The following SH3GL2 variants were observed in gnomAD, a reference collection of about 807,000 sequenced individuals.
SH3GL2 encodes the protein SH3 domain containing GRB2 like 2, endophilin A1, also known as endophilin-A1.
In SH3GL2, 24 loss-of-function variants were observed where a neutral mutation model predicts 46.0. The observed-to-expected ratio is 0.52, with a 90% confidence interval of 0.38 to 0.73. The LOEUF (loss-of-function observed/expected upper bound fraction) is 0.73, where lower values mean the gene tolerates loss of function less well. Among genes scored for constraint, SH3GL2 ranks in the 30% least tolerant of loss-of-function variants. SH3GL2 has a pLI of 0.00. For missense variants in SH3GL2, 413 were observed against 424.2 expected, an observed-to-expected ratio of 0.97 and a Z score of 0.23; for synonymous variants, 196 against 147.1, an observed-to-expected ratio of 1.33 and a Z score of -2.40.
At chr9:17,627,502 A>T (rs1819310769) in intron 1 of SH3GL2, among the ~76,000 whole-genome samples, 1 of 152,216 alleles carries the variant, frequency 6.6e-6, no homozygotes, top group East Asian at 1.9e-4. Context: ...AGCAGACCCT[A>T]TCTGTTATTT....
intron 3 of SH3GL2, among the ~76,000 whole-genome samples, chr9:17,772,384 AT>A (rs1272500253): frequency 6.6e-6 from 1 of 152,182 alleles, no homozygotes; most frequent in African/African-American, 2.4e-5. Flanking sequence ...TTAAGTATAC[AT>A]TTCACTGGTA....
Position 17,789,456 on chromosome 9 carries a change from A to C in SH3GL2, c.530A>C (p.Lys177Thr). 1 of 1,613,594 alleles carries C rather than the reference A, an allele frequency of 6.2e-7. No individual in the cohort carries two copies. Among genetic ancestry groups the C allele is most frequent in the East Asian group, 2.2e-5 (1 of 44,846 alleles). Residue 177 changes from lysine to threonine, a missense_variant, in exon 6 of 9, where the codon AAG becomes ACG. By Grantham distance (78) the Lys-to-Thr change is moderately conservative (BLOSUM62 -1). Transcript: ENST00000380607. Reference sequence around the variant, plus strand: ...GATTATAAGAAGAAACGACAAGGCAAGATTCCGGATGAAGAGCTTCGTCAA... The same window carrying C: ...GATTATAAGAAGAAACGACAAGGCACGATTCCGGATGAAGAGCTTCGTCAA... ...DFDYKKKRQGKIPDEELRQAL... is the reference protein window; with the variant it reads ...DFDYKKKRQGTIPDEELRQAL...
At chr9:17,679,840 G>A (rs1043188089) in intron 1 of SH3GL2, among the ~76,000 whole-genome samples, 1 of 152,064 alleles carries the variant, frequency 6.6e-6, no homozygotes, top group African/African-American at 2.4e-5. Flanking sequence ...TAGCATGAAG[G>A]GCTGTTGAAT....
intron 1 of SH3GL2, among the ~76,000 whole-genome samples, chr9:17,603,154 A>T (rs1818700130): frequency 6.6e-6 from 1 of 152,124 alleles, no homozygotes; most frequent in African/African-American, 2.4e-5. Flanking sequence ...AAATATCCTG[A>T]TATGTTAAAA....
intron 1 of SH3GL2, among the ~76,000 whole-genome samples, chr9:17,644,455 G>T (rs1022531027): frequency 1.3e-5 from 2 of 152,068 alleles, no homozygotes; most frequent in Non-Finnish European, 2.9e-5. Context: ...TCTTTCTCCC[G>T]TGGGCATTTA....
intron 2 of SH3GL2, among the ~76,000 whole-genome samples, chr9:17,753,143 A>G (rs1434232706): frequency 2.0e-5 from 3 of 152,248 alleles, no homozygotes; most frequent in Non-Finnish European, 2.9e-5. Flanking sequence ...TGTCTTTGCT[A>G]TTACGAATAG....
At chr9:17,728,421 T>G (rs957119117) in intron 1 of SH3GL2, among the ~76,000 whole-genome samples, 3 of 152,058 alleles carry the variant, frequency 2.0e-5, no homozygotes, top group Non-Finnish European at 4.4e-5. Flanking sequence ...AACCTTCTAC[T>G]TACAGATACT....
chr9:17,666,868 C>T (rs1820357170), intron 1 of SH3GL2, among the ~76,000 whole-genome samples: 1 of 152,080 alleles, frequency 6.6e-6, no homozygotes, highest in South Asian at 2.1e-4. Context: ...TTTTCATTTG[C>T]ACAAGCCAAG....
intron 2 of SH3GL2, among the ~76,000 whole-genome samples, chr9:17,752,025 C>T (rs756236256): frequency 6.8e-6 from 1 of 146,226 alleles, no homozygotes; most frequent in Non-Finnish European, 1.6e-5. Flanking sequence ...AGAAGATTAA[C>T]AGCAAAAAAA....
At position 17,791,320 on chromosome 9, in the gene SH3GL2, C is replaced by T. The variant is rs1824122015; in HGVS notation, c.714C>T (p.Val238=). 1.9e-6 allele frequency: 3 copies of T among 1,609,172 alleles called. No homozygotes were observed. The highest frequency in any genetic ancestry group is 2.6e-6 in the Non-Finnish European group (3 of 1,175,652). Residue 238 remains valine (V), a synonymous_variant, in exon 7 of 9, where the codon GTC becomes GTT. Transcript: ENST00000380607. ...QAVQILQQVT[V]RLEERIRQAS... is the part of the protein sequence containing the mutation. ...TCCAGATCCTGCAGCAAGTCACGGT[C>T]AGACTGGAAGAAAGGTATTCTACAG...
intron 1 of SH3GL2, among the ~76,000 whole-genome samples, chr9:17,702,808 G>T (rs538576680): frequency 1.3e-5 from 2 of 151,988 alleles, no homozygotes; most frequent in Admixed American, 1.3e-4. Context: ...TTCAGAAATG[G>T]TTTTTTTAAA....
Position 17,795,940 on chromosome 9 carries a change from G to A in SH3GL2, c.*197G>A, listed in dbSNP as rs962525688. On this transcript the variant is annotated 3_prime_UTR_variant, in exon 9 of 9. Coordinates refer to ENST00000380607, the MANE Select transcript of SH3GL2 (RefSeq NM_003026.5). Reference sequence around the variant, plus strand: ...GGATGATATCCTCTTAGCCTGGTGGGCGTGGCATGTGCTTTTTAAAACATC... The same window carrying A: ...GGATGATATCCTCTTAGCCTGGTGGACGTGGCATGTGCTTTTTAAAACATC... 1.2e-5 allele frequency: 7 copies of A among 569,378 alleles called. No homozygotes were observed. The highest frequency in any genetic ancestry group is 5.6e-5 in the African/African-American group (3 of 53,532). 35.3% of individuals were successfully genotyped at this position (569,378 alleles called of 1,614,324 possible).
intron 1 of SH3GL2, among the ~76,000 whole-genome samples, chr9:17,715,203 T>G (rs1821720014): frequency 6.6e-6 from 1 of 151,328 alleles, no homozygotes. Context: ...TCTTTTTTTT[T>G]TTTTTAGATG....
chr9:17,786,270 T>C (rs1014902572), intron 3 of SH3GL2, 111 bp from the exon 4 acceptor site: 8 of 935,550 alleles, frequency 8.6e-6, no homozygotes, highest in South Asian at 6.7e-5. Context: ...GGTACACTTA[T>C]CAGTAGCTGA....
intron 3 of SH3GL2, among the ~76,000 whole-genome samples, chr9:17,772,698 T>C (rs2131167204): frequency 6.6e-6 from 1 of 152,336 alleles, no homozygotes; most frequent in East Asian, 1.9e-4. Context: ...GGCTGAATAG[T>C]ATTCTGTTGT....
rs576565620 is a variant in SH3GL2 at position 17,630,956 on chromosome 9, A to C, written c.45+51669A>C. The stretch of plus-strand genomic sequence containing the variant: ...AACCCTTTAACTGTTTAGGAATGTG[A>C]GTGTTCAGCATAAGGATCCAATTAG... On this transcript the variant is annotated intron_variant, in intron 1 of 8. Transcript: ENST00000380607. Among the ~76,000 whole-genome samples, 25 of 152,278 alleles carry C rather than the reference A, an allele frequency of 1.6e-4. 1 individual carries two copies. In the South Asian group the frequency reaches 5.0e-3, roughly 30 times the overall value.
At chr9:17,752,205 C>A (rs1453374052) in intron 2 of SH3GL2, among the ~76,000 whole-genome samples, 1 of 152,136 alleles carries the variant, frequency 6.6e-6, no homozygotes, top group Non-Finnish European at 1.5e-5. Context: ...AAAAACATCA[C>A]TCTTGGACCT....
chr9:17,725,485 T>C (rs1821998529), intron 1 of SH3GL2, among the ~76,000 whole-genome samples: 1 of 152,222 alleles, frequency 6.6e-6, no homozygotes, highest in Non-Finnish European at 1.5e-5. Flanking sequence ...CGTGAACTTC[T>C]CCCCTCTTTG....
intron 1 of SH3GL2, among the ~76,000 whole-genome samples, chr9:17,713,731 G>A (rs1418019604): frequency 6.6e-6 from 1 of 151,490 alleles, no homozygotes; most frequent in African/African-American, 2.4e-5. Context: ...ATTCCATTGT[G>A]GTTAGAGAAA....
Sources: gnomAD v4.1 joint callset for allele counts (sites outside exome capture counted in the v4.1 genomes callset) on GRCh38, gnomAD v4.1.1 for gene constraint, MANE v1.5 for transcripts, NCBI Gene and HGNC (gene_info 2026-07-23, HGNC 2026-07-21) for gene names.